Variants in PLXDC1 observed in about 807,000 individuals in gnomAD.
PLXDC1 encodes plexin domain containing 1, also known as plexin domain-containing protein 1.
Under a neutral mutation model 61.3 loss-of-function variants are expected in PLXDC1, and 39 were observed. That is an observed-to-expected ratio of 0.64 (90% confidence interval 0.49 to 0.83). The LOEUF is 0.83. PLXDC1 is among the 40% of genes least tolerant of loss of function. The pLI is 0.00. For missense variants in PLXDC1, 596 were observed against 666.5 expected, an observed-to-expected ratio of 0.89 and a Z score of 1.17; for synonymous variants, 212 against 254.5, an observed-to-expected ratio of 0.83 and a Z score of 1.59.
chr17:39,080,934 G>C (rs1157245618), intron 9 of PLXDC1: 1 of 152,766 alleles, frequency 6.5e-6, no homozygotes, highest in East Asian at 1.9e-4. Context: ...TGATGGGAGA[G>C]TTTGGCTGTC....
At chr17:39,134,397 G>C (rs1252173210) in intron 2 of PLXDC1, among the ~76,000 whole-genome samples, 1 of 151,910 alleles carries the variant, frequency 6.6e-6, no homozygotes, top group Admixed American at 6.6e-5. Flanking sequence ...AGGCCGAAGC[G>C]GGTGGATTGC....
At chr17:39,106,748 C>T (rs965620508) in intron 6 of PLXDC1, among the ~76,000 whole-genome samples, 1 of 148,750 alleles carries the variant, frequency 6.7e-6, no homozygotes, top group Admixed American at 6.8e-5. Flanking sequence ...CTCCTGGGTT[C>T]AAGCGATTCT....
At chr17:39,070,062 G>A in intron 12 of PLXDC1, 46 bp from the exon 13 acceptor site, 1 of 1,524,462 alleles carries the variant, frequency 6.6e-7, no homozygotes, top group Non-Finnish European at 9.1e-7. Flanking sequence ...GGGGAGCAGG[G>A]AAGGTCGAAC....
rs112650131 is a variant in PLXDC1 at position 39,108,970 on chromosome 17, C to A, written c.403G>T (p.Val135Leu). The A allele has an allele frequency of 2.7e-5, 44 of 1,612,104 alleles. No individual in the cohort carries two copies. The African/African-American group carries it at 4.0e-4, about 15-fold the overall frequency. Residue 135 changes from valine (V) to leucine (L), a missense_variant, in exon 4 of 14, where the codon GTG (valine) becomes TTG (leucine). By Grantham distance (32) the Val-to-Leu change is conservative (BLOSUM62 1). Coordinates refer to ENST00000315392, the MANE Select transcript of PLXDC1 (RefSeq NM_020405.5). Reference sequence around the variant, plus strand: ...AAAGGGAAATCAAAGGACAAGACCACTCTCTGCAGGGGATGGGAGAAAGTC... The same window carrying A: ...AAAGGGAAATCAAAGGACAAGACCAATCTCTGCAGGGGATGGGAGAAAGTC... ...LSNTHRQASR[V>L]VLSFDFPFYG...
At chr17:39,082,563 C>CTCAA (rs35716213) in intron 9 of PLXDC1, among the ~76,000 whole-genome samples, 16 of 143,780 alleles carry the variant, frequency 1.1e-4, no homozygotes, top group African/African-American at 4.1e-4. Context: ...AAAACTCTCT[C>CTCAA]AAAAAAAAAA....
chr17:39,103,697 T>C (rs2143637950), intron 7 of PLXDC1, among the ~76,000 whole-genome samples: 1 of 151,716 alleles, frequency 6.6e-6, no homozygotes, highest in South Asian at 2.1e-4. Flanking sequence ...AATACAAAAA[T>C]CAGCCAGGCG....
chr17:39,121,189 G>T (rs1225147077), intron 2 of PLXDC1, among the ~76,000 whole-genome samples: 1 of 152,146 alleles, frequency 6.6e-6, no homozygotes, highest in East Asian at 1.9e-4. Flanking sequence ...TTAACCAATT[G>T]CAAATTAAAG....
At chr17:39,092,493 C>T (rs980007759) in intron 7 of PLXDC1, among the ~76,000 whole-genome samples, 2 of 152,238 alleles carry the variant, frequency 1.3e-5, no homozygotes, top group African/African-American at 4.8e-5. Flanking sequence ...TTCAGCATGT[C>T]GGTGCAGACA....
At chr17:39,078,957 C>T in intron 10 of PLXDC1, 147 bp downstream of exon 10, 1 of 660,292 alleles carries the variant, frequency 1.5e-6, no homozygotes, top group Non-Finnish European at 2.7e-6. Context: ...TCAAGGCAGT[C>T]TGGAAAACAA....
intron 13 of PLXDC1, among the ~76,000 whole-genome samples, chr17:39,069,323 C>G (rs1422058099): frequency 1.3e-5 from 2 of 152,116 alleles, no homozygotes; most frequent in Non-Finnish European, 2.9e-5. Flanking sequence ...CCAGGCTAGT[C>G]TCAAACTCCT....
intron 7 of PLXDC1, among the ~76,000 whole-genome samples, chr17:39,095,916 C>T (rs1003326361): frequency 6.6e-6 from 1 of 152,188 alleles, no homozygotes; most frequent in African/African-American, 2.4e-5. Context: ...CCACCCGCCT[C>T]GGCCTCTCAA....
chr17:39,149,764 C>T (rs1352384821), intron 1 of PLXDC1, among the ~76,000 whole-genome samples: 1 of 152,162 alleles, frequency 6.6e-6, no homozygotes, highest in African/African-American at 2.4e-5. Context: ...CCAATTCCCC[C>T]TTCCCCAGCC....
intron 7 of PLXDC1, among the ~76,000 whole-genome samples, chr17:39,096,072 T>C (rs565061791): frequency 3.2e-4 from 49 of 152,314 alleles, no homozygotes; most frequent in African/African-American, 1.1e-3. Flanking sequence ...AGTTAGGAGA[T>C]GACAGGTCGA....
chr17:39,075,826 C>T (rs62076609), intron 11 of PLXDC1, among the ~76,000 whole-genome samples: 34,619 of 152,090 alleles, frequency 0.23, 4,867 homozygotes, highest in Admixed American at 0.4. Flanking sequence ...GCCTGTAATC[C>T]TAAGACTTTG....
At chr17:39,096,807 T>C (rs1910220904) in intron 7 of PLXDC1, 1 of 414,622 alleles carries the variant, frequency 2.4e-6, no homozygotes, top group African/African-American at 2.1e-5. Flanking sequence ...AATAAAGAGT[T>C]TCTTAAGCAA....
At position 39,069,800 on chromosome 17, in the gene PLXDC1, C is replaced by G. The variant is rs538831494; in HGVS notation, c.1383+56G>C. 6 of 1,436,772 alleles carry G rather than the reference C, an allele frequency of 4.2e-6. No individual in the cohort carries two copies. The Admixed American group carries it at 1.0e-4, about 24-fold the overall frequency. The allele number at this position is 1,436,772 out of a possible 1,614,324, so 89.0% of individuals were successfully genotyped here. On this transcript the variant is annotated intron_variant, in intron 13 of 13. Transcript: ENST00000315392. ...GGGGAGAGGCAGGGACCGAATGGCCCAGGAGACGCCGACGCAGAAGCAGAC... is the reference window on the plus strand; with the variant it reads ...GGGGAGAGGCAGGGACCGAATGGCCGAGGAGACGCCGACGCAGAAGCAGAC...
intron 2 of PLXDC1, among the ~76,000 whole-genome samples, chr17:39,133,730 A>T (rs898769907): frequency 6.6e-6 from 1 of 152,086 alleles, no homozygotes; most frequent in Non-Finnish European, 1.5e-5. Flanking sequence ...GCGATCCTAC[A>T]GCCTCAGCAT....
chr17:39,107,683 A>G, intron 5 of PLXDC1, 158 bp from the exon 6 acceptor site: 1 of 669,668 alleles, frequency 1.5e-6, no homozygotes, highest in Non-Finnish European at 2.7e-6. Context: ...CAGCTCACTA[A>G]AGCAGCGCGG....
upstream of PLXDC1, among the ~76,000 whole-genome samples, chr17:39,152,106 G>T (rs1475153220): frequency 2.5e-5 from 2 of 81,354 alleles, no homozygotes; most frequent in African/African-American, 1.1e-4. Context: ...ATCTCCCCCT[G>T]CAGCAAAGAC....
Sources: allele counts gnomAD v4.1 joint callset (sites outside exome capture counted in the v4.1 genomes callset), GRCh38; gene constraint gnomAD v4.1.1; transcripts MANE v1.5; gene names NCBI Gene and HGNC (gene_info 2026-07-23, HGNC 2026-07-21).